SH3PXD2A: variants seen among roughly 807,000 people sequenced by gnomAD.
The protein encoded by SH3PXD2A is SH3 and PX domain-containing protein 2A.
SH3PXD2A carries 32 observed loss-of-function variants against 115.2 expected under a neutral mutation model. The observed-to-expected ratio is 0.28, with a 90% CI of 0.21 to 0.37. SH3PXD2A has a LOEUF of 0.37. Ranked by LOEUF, SH3PXD2A falls within the 10% of genes least tolerant of loss-of-function variation. The pLI is 1.00. For synonymous variants in SH3PXD2A, 610 were observed against 629.1 expected, an observed-to-expected ratio of 0.97 and a Z score of 0.45; for missense variants, 1,328 against 1,498.7, an observed-to-expected ratio of 0.89 and a Z score of 1.88.
At chr10:103,661,175 GC>G (rs2037294781) in intron 7 of SH3PXD2A, 61 bp from the exon 8 acceptor site, 3 of 1,578,568 alleles carry the variant, frequency 1.9e-6, no homozygotes, top group Non-Finnish European at 2.6e-6. Flanking sequence ...CGGCCAGGGC[GC>G]CCCCTGTCCA....
chr10:103,661,133 A>C lies in SH3PXD2A; in HGVS notation c.473-19T>G, dbSNP rs777127243. 1.9e-6 allele frequency: 3 copies of C among 1,610,232 alleles called. No homozygotes were observed. The African/African-American group carries it at 4.0e-5, about 22-fold the overall frequency. On this transcript the variant is annotated intron_variant, in intron 7 of 14. Transcript: ENST00000369774. Reference sequence around the variant, plus strand: ...TCGGCACCTGGCGAGGGCAGAAAGCACGCGGTGAGCCAGCGGCCAGCCATG... The same window carrying C: ...TCGGCACCTGGCGAGGGCAGAAAGCCCGCGGTGAGCCAGCGGCCAGCCATG...
intron 7 of SH3PXD2A, among the ~76,000 whole-genome samples, chr10:103,668,005 G>T (rs2037406851): frequency 6.6e-6 from 1 of 152,232 alleles, no homozygotes; most frequent in Non-Finnish European, 1.5e-5. Flanking sequence ...CCAAGCTCTG[G>T]ATTGCTGGGC....
At chr10:103,811,022 G>A (rs886417956) in intron 1 of SH3PXD2A, among the ~76,000 whole-genome samples, 6 of 151,852 alleles carry the variant, frequency 4.0e-5, no homozygotes, top group Middle Eastern at 3.4e-3. Context: ...AGGCCAGCCT[G>A]GGAGAGCAGA....
At chr10:103,793,410 T>G (rs1420476881) in intron 2 of SH3PXD2A, among the ~76,000 whole-genome samples, 1 of 152,214 alleles carries the variant, frequency 6.6e-6, no homozygotes, top group Non-Finnish European at 1.5e-5. Flanking sequence ...TTCTTGGAGA[T>G]CCACCCATGG....
chr10:103,761,245 A>G (rs1331882218), intron 3 of SH3PXD2A, among the ~76,000 whole-genome samples: 1 of 152,162 alleles, frequency 6.6e-6, no homozygotes, highest in Admixed American at 6.6e-5. Flanking sequence ...AGATGTTACC[A>G]TTGGGGGGAA....
At chr10:103,603,873 C>T in intron 14 of SH3PXD2A, 84 bp from the exon 15 acceptor site, 1 of 1,395,802 alleles carries the variant, frequency 7.2e-7, no homozygotes, top group Non-Finnish European at 9.4e-7. Flanking sequence ...CATACTTTGG[C>T]TCTGGGATAA....
At chr10:103,693,251 G>GCCCCCTGCCAGCCCGGC (rs1378435052) in intron 5 of SH3PXD2A, 195 bp from the exon 6 acceptor site, 1 of 146,162 alleles carries the variant, frequency 6.8e-6, no homozygotes, top group African/African-American at 2.6e-5. Flanking sequence ...CCGCCCGCGG[G>GCCCCCTGCCAGCCCGGC]CCCCCTGCCA....
intron 4 of SH3PXD2A, among the ~76,000 whole-genome samples, chr10:103,728,897 GTTTT>G (rs57283527): frequency 7.4e-6 from 1 of 135,902 alleles, no homozygotes; most frequent in African/African-American, 2.7e-5. Context: ...TTGTTTGTTT[GTTTT>G]TTTTTTTTTG....
chr10:103,704,743 G>A (rs1346742670), intron 5 of SH3PXD2A, among the ~76,000 whole-genome samples: 1 of 152,176 alleles, frequency 6.6e-6, no homozygotes, highest in Non-Finnish European at 1.5e-5. Context: ...AGGGCGGCCT[G>A]GGGGCTTCCC....
At chr10:103,731,853 G>C (rs2038323503) in intron 4 of SH3PXD2A, among the ~76,000 whole-genome samples, 1 of 152,174 alleles carries the variant, frequency 6.6e-6, no homozygotes. Context: ...GAATGAGTCT[G>C]GGAAGTGCAG....
chr10:103,710,963 CAGTTTGAAGCTACAGTG>C (rs1241511139), intron 5 of SH3PXD2A, among the ~76,000 whole-genome samples: 1 of 152,128 alleles, frequency 6.6e-6, no homozygotes, highest in Non-Finnish European at 1.5e-5. Flanking sequence ...TTGAGCCCAG[CAGTTTGAAGCTACAGTG>C]AGCTGTGATG....
intron 2 of SH3PXD2A, among the ~76,000 whole-genome samples, chr10:103,782,806 C>A (rs1285134058): frequency 8.2e-6 from 1 of 122,442 alleles, no homozygotes; most frequent in Admixed American, 1.0e-4. Flanking sequence ...GCCTGAGCAA[C>A]ACTGGGAGAC....
intron 12 of SH3PXD2A, 112 bp from the exon 13 acceptor site, chr10:103,611,742 C>T: frequency 1.1e-6 from 1 of 875,066 alleles, no homozygotes. Context: ...CATGCTTTAG[C>T]TCAGCCTTTA....
At chr10:103,777,061 C>A (rs886205682) in intron 2 of SH3PXD2A, among the ~76,000 whole-genome samples, 1 of 152,242 alleles carries the variant, frequency 6.6e-6, no homozygotes, top group Non-Finnish European at 1.5e-5. Context: ...AAAAATAAAT[C>A]GTGAATAGCT....
intron 6 of SH3PXD2A, among the ~76,000 whole-genome samples, chr10:103,682,284 C>T (rs1452313533): frequency 3.3e-5 from 5 of 152,240 alleles, no homozygotes; most frequent in South Asian, 2.1e-4. Context: ...AGCCAGGGAG[C>T]GTGGCGCAGA....
chr10:103,703,904 G>T (rs2037950267), intron 5 of SH3PXD2A, among the ~76,000 whole-genome samples: 1 of 152,134 alleles, frequency 6.6e-6, no homozygotes, highest in African/African-American at 2.4e-5. Flanking sequence ...TAGCTGCCTA[G>T]GTTCAAATCC....
At chr10:103,648,351 GAGA>G (rs1434108453) in intron 8 of SH3PXD2A, among the ~76,000 whole-genome samples, 1 of 152,160 alleles carries the variant, frequency 6.6e-6, no homozygotes, top group African/African-American at 2.4e-5. Flanking sequence ...TGTTTAACTT[GAGA>G]AGGACGGGGG....
At chr10:103,693,140 G>T in intron 5 of SH3PXD2A, 84 bp from the exon 6 acceptor site, 2 of 1,159,452 alleles carry the variant, frequency 1.7e-6, no homozygotes, top group Non-Finnish European at 2.6e-6. Flanking sequence ...CCTCGGGCTG[G>T]CTGCGGTCGG....
chr10:103,844,827 A>C (rs1031868252), intron 1 of SH3PXD2A, among the ~76,000 whole-genome samples: 3 of 152,202 alleles, frequency 2.0e-5, no homozygotes, highest in Non-Finnish European at 4.4e-5. Flanking sequence ...AGGCCATGCA[A>C]TGCCTGGCAC....
Sources: gnomAD v4.1 joint callset for allele counts (sites outside exome capture counted in the v4.1 genomes callset) on GRCh38, gnomAD v4.1.1 for gene constraint, MANE v1.5 for transcripts, NCBI Gene and HGNC (gene_info 2026-07-23, HGNC 2026-07-21) for gene names.